Variants in SLC44A1 observed in about 807,000 individuals in gnomAD.
The protein encoded by SLC44A1 is choline transporter-like protein 1.
In SLC44A1, 26 loss-of-function variants were observed where a neutral mutation model predicts 79.3. The observed-to-expected ratio is 0.33, with a 90% confidence interval of 0.24 to 0.46. SLC44A1 has a LOEUF of 0.46. Among genes scored for constraint, SLC44A1 ranks in the 20% least tolerant of loss-of-function variants. The pLI is 1.00. For missense variants in SLC44A1, 688 were observed against 798.1 expected, an observed-to-expected ratio of 0.86 and a Z score of 1.66; for synonymous variants, 263 against 286.2, an observed-to-expected ratio of 0.92 and a Z score of 0.82.
intron 1 of SLC44A1, among the ~76,000 whole-genome samples, chr9:105,259,563 A>G (rs1370428506): frequency 6.6e-6 from 1 of 152,232 alleles, no homozygotes; most frequent in Admixed American, 6.5e-5. Flanking sequence ...TTAAAAACTC[A>G]GCATATTTAA....
chr9:105,405,404 CGAT>C (rs896229406), intron 15 of SLC44A1, among the ~76,000 whole-genome samples: 6 of 151,166 alleles, frequency 4.0e-5, no homozygotes, highest in Admixed American at 3.3e-4. Flanking sequence ...TCCACAAAAA[CGAT>C]GATCAAATTG....
At chr9:105,415,294 T>C (rs1829152734) in intron 15 of SLC44A1, among the ~76,000 whole-genome samples, 1 of 152,016 alleles carries the variant, frequency 6.6e-6, no homozygotes, top group African/African-American at 2.4e-5. Flanking sequence ...GCAAGGAAGG[T>C]AAAAAAGGCA....
At chr9:105,288,492 G>C (rs927725869) in intron 1 of SLC44A1, among the ~76,000 whole-genome samples, 1 of 152,090 alleles carries the variant, frequency 6.6e-6, no homozygotes, top group Non-Finnish European at 1.5e-5. Context: ...AGGACCACAG[G>C]TGTGTGCCAC....
intron 3 of SLC44A1, among the ~76,000 whole-genome samples, chr9:105,322,438 A>G (rs36112131): frequency 0.014 from 2,190 of 152,304 alleles, 18 homozygotes; most frequent in Admixed American, 0.017. Context: ...AAATGTTGGC[A>G]GTTAGCATAC....
rs1828809096 is a variant in SLC44A1, at chr9:105,393,360, T to C, written c.*4304T>C. 1 of 985,226 alleles carries C rather than the reference T, an allele frequency of 1.0e-6. No individual in the cohort carries two copies. The highest frequency in any genetic ancestry group is 4.7e-5 in the South Asian group (1 of 21,278). The allele number at this position is 985,226 out of a possible 1,614,324, so 61.0% of individuals were successfully genotyped here. ...TTTTAAAAAGCAAGACCCTTGAATA[T>C]GCCAAGAGAAAATCTAAAGCTAGCA... On this transcript the variant is annotated 3_prime_UTR_variant, in exon 16 of 16. Transcript: ENST00000374720.
At position 105,244,825 on chromosome 9, in the gene SLC44A1, T is replaced by C; in HGVS notation, c.-44T>C. On this transcript the variant is annotated 5_prime_UTR_variant, in exon 1 of 16. An upstream open reading frame in the 5' UTR loses its in-frame stop. Coordinates refer to ENST00000374720, the MANE Select transcript of SLC44A1 (RefSeq NM_080546.5). Reference sequence around the variant, plus strand: ...TCGCATGCCGAGGGGCTCCGGGGCGTAGCTGCGCGCCCGGCGCCGCCTCCG... The same window carrying C: ...TCGCATGCCGAGGGGCTCCGGGGCGCAGCTGCGCGCCCGGCGCCGCCTCCG... 1 of 1,087,318 alleles carries C rather than the reference T, an allele frequency of 9.2e-7. No individual in the cohort carries two copies. The highest frequency in any genetic ancestry group is 1.1e-6 in the Non-Finnish European group (1 of 893,860). 67.4% of individuals were successfully genotyped at this position (1,087,318 alleles called of 1,614,324 possible). A position where few individuals can be genotyped will look rare whatever the true frequency, so the allele number is the denominator to read the frequency against.
intron 3 of SLC44A1, among the ~76,000 whole-genome samples, chr9:105,314,557 A>T (rs1588768468): frequency 6.6e-6 from 1 of 152,150 alleles, no homozygotes; most frequent in East Asian, 1.9e-4. Context: ...TTTTTGCACA[A>T]ATCTAATTTT....
intron 3 of SLC44A1, among the ~76,000 whole-genome samples, chr9:105,327,803 T>A (rs1226083909): frequency 6.6e-6 from 1 of 152,162 alleles, no homozygotes; most frequent in Non-Finnish European, 1.5e-5. Flanking sequence ...GATTTTCCAT[T>A]AATGGGGTAC....
At chr9:105,381,037 T>G (rs1479576239) in intron 13 of SLC44A1, among the ~76,000 whole-genome samples, 1 of 152,238 alleles carries the variant, frequency 6.6e-6, no homozygotes, top group African/African-American at 2.4e-5. Context: ...ATATCTAAAC[T>G]TCCATCTCAC....
rs895923859 is a variant in SLC44A1 at position 105,396,258 on chromosome 9, C to T, written c.*7202C>T. On this transcript the variant is annotated 3_prime_UTR_variant, in exon 16 of 16. Coordinates refer to ENST00000374720, the MANE Select transcript of SLC44A1 (RefSeq NM_080546.5). ...AGAATATTCTGGACCACTGAATGCA[C>T]TTCTAATAGAGCTTTAATCTAAAGA... is the stretch of plus-strand genomic sequence containing the variant. 6.1e-6 allele frequency: 6 copies of T among 985,034 alleles called. No homozygotes were observed. In the Admixed American group the frequency reaches 1.8e-4, roughly 30 times the overall value. The allele number at this position is 985,034 out of a possible 1,614,324, so 61.0% of individuals were successfully genotyped here.
At chr9:105,380,783 CAT>C (rs1828438495) in intron 13 of SLC44A1, among the ~76,000 whole-genome samples, 1 of 152,160 alleles carries the variant, frequency 6.6e-6, no homozygotes, top group Admixed American at 6.5e-5. Context: ...CTTCTTGAGA[CAT>C]AGTCTTTATC....
At chr9:105,344,489 C>T (rs189813932) in intron 4 of SLC44A1, among the ~76,000 whole-genome samples, 1 of 152,134 alleles carries the variant, frequency 6.6e-6, no homozygotes, top group African/African-American at 2.4e-5. Flanking sequence ...CAGCCCCCTA[C>T]AACCAAGAAT....
intron 3 of SLC44A1, among the ~76,000 whole-genome samples, chr9:105,321,291 TAC>T (rs1826385758): frequency 1.3e-5 from 2 of 152,194 alleles, no homozygotes; most frequent in African/African-American, 2.4e-5. Flanking sequence ...CATACAAAAA[TAC>T]AGTTATTCCA....
At chr9:105,245,514 C>T (rs931550999) in intron 1 of SLC44A1, among the ~76,000 whole-genome samples, 3 of 152,214 alleles carry the variant, frequency 2.0e-5, no homozygotes, top group African/African-American at 7.2e-5. Flanking sequence ...TGCTCGCTTG[C>T]ACCCCATCCC....
rs777102969 is a variant in SLC44A1, at chr9:105,309,855, C to T, written c.258C>T (p.His86=). Reference sequence around the variant, plus strand: ...CAATACCAAACAGTGGCATGGACCACACCCAGCGGAAGTGAGTAGACTTGC... The same window carrying T: ...CAATACCAAACAGTGGCATGGACCATACCCAGCGGAAGTGAGTAGACTTGC... ...LEAIPNSGMD[H]TQRKYVFFLD... Residue 86 remains histidine, a synonymous_variant, in exon 3 of 16, where the codon CAC becomes CAT. Transcript: ENST00000374720. 15 of 1,613,308 alleles carry T rather than the reference C, an allele frequency of 9.3e-6. No homozygotes were observed. The Admixed American group carries it at 1.2e-4, about 13-fold the overall frequency.
chr9:105,348,475 A>G, intron 5 of SLC44A1, 24 bp downstream of exon 5: 1 of 1,350,302 alleles, frequency 7.4e-7, no homozygotes, highest in Non-Finnish European at 1.1e-6. Context: ...CAAAGTTGTT[A>G]ACTTGTGACT....
At chr9:105,369,992 A>C (rs1427328385) in intron 12 of SLC44A1, among the ~76,000 whole-genome samples, 1 of 152,252 alleles carries the variant, frequency 6.6e-6, no homozygotes, top group East Asian at 1.9e-4. Flanking sequence ...GGGGTTGAAT[A>C]TTCTCAAGCT....
chr9:105,279,622 A>G (rs1296577398), intron 1 of SLC44A1, among the ~76,000 whole-genome samples: 1 of 152,106 alleles, frequency 6.6e-6, no homozygotes, highest in East Asian at 1.9e-4. Context: ...GGCCGAGAAA[A>G]CTGTATCTTT....
chr9:105,320,395 C>T (rs554735712), intron 3 of SLC44A1, among the ~76,000 whole-genome samples: 96 of 147,296 alleles, frequency 6.5e-4, no homozygotes, highest in Middle Eastern at 4.0e-3. Flanking sequence ...AGATATATAG[C>T]ATTGAGATTG....
Sources: gnomAD v4.1 joint callset for allele counts (sites outside exome capture counted in the v4.1 genomes callset) on GRCh38, gnomAD v4.1.1 for gene constraint, MANE v1.5 for transcripts, NCBI Gene and HGNC (gene_info 2026-07-23, HGNC 2026-07-21) for gene names.